CWF19L2: variants seen among roughly 807,000 people sequenced by gnomAD.
CWF19L2 encodes CWF19-like protein 2.
A neutral mutation model predicts 111.7 loss-of-function variants in CWF19L2; 98 were observed. The ratio of observed to expected loss-of-function variants is 0.88; its 90% confidence interval spans 0.75 to 1.04. CWF19L2 has a LOEUF of 1.04. Ranked by LOEUF, CWF19L2 falls within the 50% of genes least tolerant of loss-of-function variation. CWF19L2 has a pLI of 0.00. For missense variants in CWF19L2, 1,101 were observed against 1,051.4 expected, an observed-to-expected ratio of 1.05 and a Z score of -0.65; for synonymous variants, 351 against 342.9, an observed-to-expected ratio of 1.02 and a Z score of -0.26.
At chr11:107,450,182 T>C (rs77544527) in intron 3 of CWF19L2, among the ~76,000 whole-genome samples, 13 of 151,540 alleles carry the variant, frequency 8.6e-5, no homozygotes, top group Admixed American at 2.0e-4. Context: ...GGTGGGAGGA[T>C]TGCTTAAGGT....
At chr11:107,449,732 G>A (rs1446955618) in intron 3 of CWF19L2, among the ~76,000 whole-genome samples, 1 of 151,856 alleles carries the variant, frequency 6.6e-6, no homozygotes, top group Non-Finnish European at 1.5e-5. Context: ...TACAGCAGAT[G>A]AAATGGGATG....
At chr11:107,431,943 A>T (rs533777969) in intron 7 of CWF19L2, among the ~76,000 whole-genome samples, 1 of 152,296 alleles carries the variant, frequency 6.6e-6, no homozygotes, top group South Asian at 2.1e-4. Context: ...ACAAATATAT[A>T]TTCCAGAAAA....
At chr11:107,441,480 A>T in intron 5 of CWF19L2, 23 bp downstream of exon 5, 2 of 1,492,242 alleles carry the variant, frequency 1.3e-6, no homozygotes, top group Non-Finnish European at 1.8e-6. Context: ...TAGAAAGTTA[A>T]AGCATTTCAA....
intron 12 of CWF19L2, among the ~76,000 whole-genome samples, chr11:107,379,009 G>T (rs2432864): frequency 0.52 from 79,277 of 151,784 alleles, 21,406 homozygotes; most frequent in African/African-American, 0.67. Context: ...AGGTTAGATA[G>T]TAGTACTACA....
chr11:107,437,491 T>C (rs1041312078), intron 6 of CWF19L2, among the ~76,000 whole-genome samples: 1 of 152,198 alleles, frequency 6.6e-6, no homozygotes, highest in Non-Finnish European at 1.5e-5. Context: ...ACTATCTACA[T>C]ATGCAGTAAA....
chr11:107,373,645 G>A (rs145023230), intron 12 of CWF19L2, among the ~76,000 whole-genome samples: 5 of 129,380 alleles, frequency 3.9e-5, no homozygotes, highest in South Asian at 2.8e-4. Context: ...AAGACCAAAA[G>A]TAGATAAAAC....
intron 12 of CWF19L2, among the ~76,000 whole-genome samples, chr11:107,382,099 G>C (rs2134585115): frequency 6.6e-6 from 1 of 152,274 alleles, no homozygotes; most frequent in African/African-American, 2.4e-5. Context: ...ATGTGCCTGA[G>C]TTTACGTTGC....
At chr11:107,385,024 A>G (rs1860744597) in intron 12 of CWF19L2, among the ~76,000 whole-genome samples, 1 of 152,220 alleles carries the variant, frequency 6.6e-6, no homozygotes, top group Non-Finnish European at 1.5e-5. Flanking sequence ...TTTAGTTCAT[A>G]AACTTTTAAG....
chr11:107,390,236 T>C (rs601236), intron 11 of CWF19L2, 25 bp from the exon 12 acceptor site: 1 of 1,550,818 alleles, frequency 6.4e-7, no homozygotes. Flanking sequence ...ACATTATTAA[T>C]TTAATGAAAA....
intron 5 of CWF19L2, among the ~76,000 whole-genome samples, chr11:107,440,045 G>C (rs1001109371): frequency 1.3e-5 from 2 of 152,130 alleles, no homozygotes; most frequent in African/African-American, 4.8e-5. Context: ...CCAGGCACTG[G>C]GACTGTAATG....
intron 14 of CWF19L2, among the ~76,000 whole-genome samples, chr11:107,337,088 T>C (rs927177340): frequency 6.6e-5 from 10 of 152,208 alleles, no homozygotes; most frequent in African/African-American, 2.4e-4. Context: ...TCTGAGCAGA[T>C]GGGCATCCTT....
Position 107,455,646 on chromosome 11 carries a change from G to T in CWF19L2, c.216+20C>A. On this transcript the variant is annotated intron_variant, in intron 2 of 17. Transcript: ENST00000282251. ...AAAAGGACAGATATCCTTACATCAC[G>T]TAAACCTGTTAGTATTCACCTGTGA... 7.2e-7 allele frequency: 1 copy of T among 1,392,066 alleles called. No individual in the cohort carries two copies. Among genetic ancestry groups the T allele is most frequent in the Non-Finnish European group, 9.9e-7 (1 of 1,014,136 alleles). The allele number at this position is 1,392,066 out of a possible 1,614,324, so 86.2% of individuals were successfully genotyped here.
intron 14 of CWF19L2, chr11:107,345,404 C>A: frequency 2.5e-6 from 1 of 397,174 alleles, no homozygotes; most frequent in Non-Finnish European, 5.0e-6. Context: ...TTAAATAATC[C>A]GAAAATTACC....
intron 10 of CWF19L2, among the ~76,000 whole-genome samples, chr11:107,395,755 C>T (rs1307574841): frequency 6.6e-6 from 1 of 152,204 alleles, no homozygotes. Flanking sequence ...AATTTAGTCA[C>T]AGCCAATGCT....
At position 107,350,193 on chromosome 11, in the gene CWF19L2, G is replaced by A. The variant is rs1451055634; in HGVS notation, c.2086-1140C>T. On this transcript the variant is annotated intron_variant, in intron 13 of 17. Transcript: ENST00000282251. ...ATTTGACAGAGAAAGCAGAGCTACT[G>A]ATTGGCTGATCAATAATTACTGAGG... 3.3e-5 allele frequency among the ~76,000 whole-genome samples: 5 copies of A among 152,122 alleles called. No individual in the cohort carries two copies. The South Asian group carries it at 8.3e-4, about 25-fold the overall frequency.
chr11:107,395,261 C>T (rs1387279247), intron 10 of CWF19L2, among the ~76,000 whole-genome samples: 6 of 152,302 alleles, frequency 3.9e-5, no homozygotes, highest in South Asian at 4.2e-4. Context: ...CTGCCATCCA[C>T]GTAAGATGTG....
chr11:107,429,510 A>G (rs773829306), intron 7 of CWF19L2, 59 bp from the exon 8 acceptor site: 4 of 1,318,152 alleles, frequency 3.0e-6, no homozygotes, highest in Non-Finnish European at 4.1e-6. Context: ...AGTGACTTGC[A>G]CCCCACATGT....
At chr11:107,387,067 G>A (rs1860778072) in intron 12 of CWF19L2, among the ~76,000 whole-genome samples, 1 of 150,708 alleles carries the variant, frequency 6.6e-6, no homozygotes, top group African/African-American at 2.5e-5. Flanking sequence ...AAAAAAAAAG[G>A]CTAATGCATC....
At chr11:107,373,108 C>G (rs1241930784) in intron 12 of CWF19L2, among the ~76,000 whole-genome samples, 2 of 61,588 alleles carry the variant, frequency 3.2e-5, no homozygotes, top group Non-Finnish European at 6.2e-5. Context: ...CCGCACCTGG[C>G]TCGGAGGGTC....
Sources: gnomAD v4.1 joint callset for allele counts (sites outside exome capture counted in the v4.1 genomes callset) on GRCh38, gnomAD v4.1.1 for gene constraint, MANE v1.5 for transcripts, NCBI Gene and HGNC (gene_info 2026-07-23, HGNC 2026-07-21) for gene names.